CACNB4: variants seen among roughly 807,000 people sequenced by gnomAD.
The protein encoded by CACNB4 is calcium voltage-gated channel auxiliary subunit beta 4.
CACNB4 carries 32 observed loss-of-function variants against 71.2 expected under a neutral mutation model. That is an observed-to-expected ratio of 0.45 (90% CI 0.34 to 0.60). The LOEUF (loss-of-function observed/expected upper bound fraction) is 0.60. Ranked by LOEUF, CACNB4 falls within the 20% of genes least tolerant of loss-of-function variation. The pLI, the probability that CACNB4 is intolerant of heterozygous loss-of-function variation, is 0.01. For synonymous variants in CACNB4, 231 were observed against 236.9 expected (o/e 0.97, Z 0.23); for missense variants, 464 against 647.9 (o/e 0.72, Z 3.08).
chr2:151,883,905 C>T (rs1056250724), intron 2 of CACNB4: 1 of 200,034 alleles, frequency 5.0e-6, no homozygotes, highest in African/African-American at 2.4e-5. Context: ...CATTGTCCTG[C>T]AGCAGCCCAG....
chr2:151,918,051 TG>T lies in CACNB4; in HGVS notation c.148-34682del, dbSNP rs147384685. ...GTTTTGAAACAAAAGTGAAAAAGGCTGGGGGGGAAAAGGGTGCTACTGAGTT... is the reference window on the plus strand; with the variant it reads ...GTTTTGAAACAAAAGTGAAAAAGGCTGGGGGGAAAAGGGTGCTACTGAGTT... On this transcript the variant is annotated intron_variant, in intron 2 of 13. Transcript: ENST00000539935. Among the ~76,000 whole-genome samples, 1,474 of 151,970 alleles carry T rather than the reference TG, an allele frequency of 9.7e-3. 34 individuals carry two copies. The East Asian group carries it at 0.11, about 11-fold the overall frequency.
chr2:152,007,825 G>A (rs1457372109), intron 2 of CACNB4, among the ~76,000 whole-genome samples: 1 of 151,496 alleles, frequency 6.6e-6, no homozygotes, highest in Non-Finnish European at 1.5e-5. Context: ...AGGCTGGAGT[G>A]CAGTGGCACC....
At chr2:152,086,351 C>T (rs1273696737) in intron 2 of CACNB4, among the ~76,000 whole-genome samples, 2 of 152,190 alleles carry the variant, frequency 1.3e-5, no homozygotes, top group Non-Finnish European at 2.9e-5. Flanking sequence ...TAAATCACCC[C>T]TCAAGCTTTC....
intron 2 of CACNB4, among the ~76,000 whole-genome samples, chr2:152,038,391 C>T (rs1320817899): frequency 6.6e-6 from 1 of 152,170 alleles, no homozygotes; most frequent in East Asian, 1.9e-4. Flanking sequence ...CCCAATGCAG[C>T]TTCTACTGAC....
chr2:151,874,849 C>A, intron 5 of CACNB4: 1 of 397,468 alleles, frequency 2.5e-6, no homozygotes, highest in Non-Finnish European at 4.4e-6. Context: ...GCTTGTGTTC[C>A]TGGGACCTTT....
chr2:152,088,377 CAT>C (rs1553836978), intron 2 of CACNB4, among the ~76,000 whole-genome samples: 1 of 152,134 alleles, frequency 6.6e-6, no homozygotes, highest in Non-Finnish European at 1.5e-5. Flanking sequence ...CTAGATTTTC[CAT>C]ATGTTATCAA....
chr2:152,039,801 A>G (rs914780241), intron 2 of CACNB4, among the ~76,000 whole-genome samples: 6 of 152,254 alleles, frequency 3.9e-5, no homozygotes, highest in African/African-American at 1.4e-4. Context: ...CCTCAGAAAC[A>G]TAGTCGAAGG....
chr2:152,068,574 C>T (rs1426543387), intron 2 of CACNB4, among the ~76,000 whole-genome samples: 1 of 152,136 alleles, frequency 6.6e-6, no homozygotes, highest in Non-Finnish European at 1.5e-5. Flanking sequence ...GGGTACTCTT[C>T]CATGACTCTG....
Position 151,883,242 on chromosome 2 carries a change from G to A in CACNB4, c.267+9C>T, listed in dbSNP as rs757309403. ...CACTTTTGAGCCAAAGAGAAGGAAA[G>A]AGACTCACCTTTGCTCTCTCAAGCT... On this transcript the variant is annotated intron_variant, in intron 3 of 13. Coordinates refer to ENST00000539935, the MANE Select transcript of CACNB4 (RefSeq NM_000726.5). 6.2e-7 allele frequency: 1 copy of A among 1,613,874 alleles called. No homozygotes were observed. The highest frequency in any genetic ancestry group is 1.7e-5 in the Admixed American group (1 of 60,018).
At chr2:151,886,327 C>CA (rs1390540056) in intron 2 of CACNB4, among the ~76,000 whole-genome samples, 1 of 152,034 alleles carries the variant, frequency 6.6e-6, no homozygotes, top group Non-Finnish European at 1.5e-5. Context: ...CTACAGTTCA[C>CA]AAAAAAAGCA....
At chr2:151,877,727 T>C (rs1007705274) in intron 4 of CACNB4, among the ~76,000 whole-genome samples, 4 of 152,206 alleles carry the variant, frequency 2.6e-5, no homozygotes, top group African/African-American at 9.6e-5. Context: ...TATTTGTATG[T>C]GAAATTTTGC....
chr2:152,011,508 C>G (rs975518691), intron 2 of CACNB4, among the ~76,000 whole-genome samples: 1 of 152,194 alleles, frequency 6.6e-6, no homozygotes, highest in Admixed American at 6.5e-5. Flanking sequence ...ATTCTTTGAA[C>G]CCTCATAGAA....
At chr2:152,044,359 T>C (rs1685032217) in intron 2 of CACNB4, among the ~76,000 whole-genome samples, 1 of 152,146 alleles carries the variant, frequency 6.6e-6, no homozygotes, top group South Asian at 2.1e-4. Context: ...TAGCTGGGAT[T>C]ACAGGTGCGC....
Position 151,837,055 on chromosome 2 carries a change from G to C in CACNB4, c.*2064C>G, listed in dbSNP as rs1326932186. The C allele has an allele frequency of 6.6e-6, 1 of 151,902 alleles. No individual in the cohort carries two copies. The highest frequency in any genetic ancestry group is 1.5e-5 in the Non-Finnish European group (1 of 67,846). 9.4% of individuals were successfully genotyped at this position (151,902 alleles called of 1,614,324 possible). Reference sequence around the variant, plus strand: ...GTAATAAATATATTTTTGTTTGCTGGAAGATGCTCTTCTGTGTTCTAACAA... The same window carrying C: ...GTAATAAATATATTTTTGTTTGCTGCAAGATGCTCTTCTGTGTTCTAACAA... On this transcript the variant is annotated 3_prime_UTR_variant, in exon 14 of 14. Coordinates refer to ENST00000539935, the MANE Select transcript of CACNB4 (RefSeq NM_000726.5).
chr2:151,918,725 T>G (rs2345156), intron 2 of CACNB4, among the ~76,000 whole-genome samples: 3 of 152,222 alleles, frequency 2.0e-5, no homozygotes, highest in Non-Finnish European at 4.4e-5. Flanking sequence ...TGGCTGCTTA[T>G]GAATTCTCCT....
At chr2:152,023,161 A>C (rs1683769626) in intron 2 of CACNB4, among the ~76,000 whole-genome samples, 1 of 151,942 alleles carries the variant, frequency 6.6e-6, no homozygotes, top group Non-Finnish European at 1.5e-5. Context: ...GAGCACAAAC[A>C]AGTGAAAGGG....
At chr2:151,919,523 C>A (rs541650208) in intron 2 of CACNB4, among the ~76,000 whole-genome samples, 1 of 152,290 alleles carries the variant, frequency 6.6e-6, no homozygotes, top group African/African-American at 2.4e-5. Flanking sequence ...GTCTAAGATG[C>A]AAAATGTAAC....
At chr2:151,873,402 T>C (rs2151419562) in intron 5 of CACNB4, 1 of 152,220 alleles carries the variant, frequency 6.6e-6, no homozygotes, top group East Asian at 1.9e-4. Flanking sequence ...AGCATCTCCT[T>C]TGAGCATCAT....
intron 11 of CACNB4, 98 bp downstream of exon 11, chr2:151,855,126 C>A (rs1326620969): frequency 2.3e-5 from 16 of 706,570 alleles, no homozygotes. Context: ...TAATAATCAG[C>A]AAGACGTTCT....
Sources: allele counts gnomAD v4.1 joint callset (sites outside exome capture counted in the v4.1 genomes callset), GRCh38; gene constraint gnomAD v4.1.1; transcripts MANE v1.5; gene names NCBI Gene and HGNC (gene_info 2026-07-23, HGNC 2026-07-21).